The following DEPTOR variants were observed in gnomAD, a reference collection of about 807,000 sequenced individuals.
DEPTOR encodes the protein DEP domain-containing mTOR-interacting protein.
A neutral mutation model predicts 41.6 loss-of-function variants in DEPTOR; 41 were observed. That is an observed-to-expected ratio of 0.98 (90% CI 0.77 to 1.28). The LOEUF (loss-of-function observed/expected upper bound fraction) is 1.28, where lower values mean the gene tolerates loss of function less well. DEPTOR is among the 50% of genes most tolerant of loss of function. The pLI is 0.00. For missense variants in DEPTOR, 514 were observed against 527.9 expected (o/e 0.97, Z 0.26); for synonymous variants, 195 against 192.3 (o/e 1.01, Z -0.12).
Position 120,011,807 on chromosome 8 carries a change from A to G in DEPTOR, c.1101+2674A>G, listed in dbSNP as rs548469328. ...ATGTTTTACCTGATATATTTTTTCA[A>G]TTTCATAAGCTAATACTTCATATGG... On this transcript the variant is annotated intron_variant, in intron 8 of 8. Transcript: ENST00000286234. Among the ~76,000 whole-genome samples the G allele has an allele frequency of 2.6e-5, 4 of 152,266 alleles. No individual in the cohort carries two copies. The East Asian group carries it at 7.7e-4, about 29-fold the overall frequency.
chr8:119,971,389 T>G lies in DEPTOR; in HGVS notation c.604+5979T>G, dbSNP rs73705857. On this transcript the variant is annotated intron_variant, in intron 4 of 8. Coordinates refer to ENST00000286234, the MANE Select transcript of DEPTOR (RefSeq NM_022783.4). ...GTACAGAGGCTACCTATCCTACTTCTTAGAGGAACGGGAGATGAGGAAGTG... is the reference window on the plus strand; with the variant it reads ...GTACAGAGGCTACCTATCCTACTTCGTAGAGGAACGGGAGATGAGGAAGTG... Among the ~76,000 whole-genome samples the G allele has an allele frequency of 6.9e-3, 1,048 of 152,232 alleles. 10 individuals are homozygous for G. The highest frequency in any genetic ancestry group is 0.023 in the African/African-American group (963 of 41,540).
Position 120,050,217 on chromosome 8 carries a change from A to G in DEPTOR, c.*513A>G, listed in dbSNP as rs1051826901. 1.3e-5 allele frequency: 2 copies of G among 152,222 alleles called. No individual in the cohort carries two copies. Among genetic ancestry groups the G allele is most frequent in the Non-Finnish European group, 2.9e-5 (2 of 68,052 alleles). The allele number at this position is 152,222 out of a possible 1,614,324, so 9.4% of individuals were successfully genotyped here. ...ACTAGCATTTTCAAGGGGGTTCTAA[A>G]GCATTCAAGTGCTTAAAAGCCATAA... On this transcript the variant is annotated 3_prime_UTR_variant, in exon 9 of 9. Transcript: ENST00000286234.
chr8:120,042,203 G>A (rs1476582231), intron 8 of DEPTOR, among the ~76,000 whole-genome samples: 2 of 151,996 alleles, frequency 1.3e-5, no homozygotes, highest in African/African-American at 2.4e-5. Flanking sequence ...TAAGGTGGCC[G>A]CCCGCCATTC....
Position 120,050,323 on chromosome 8 carries a change from A to AAC in DEPTOR, c.*620_*621dup, listed in dbSNP as rs1003723410. The stretch of plus-strand genomic sequence containing the variant: ...CAATTGTGGCATTAGGAAAAAAAAA[A>AAC]ACCTTGTGATGCTATGGTTGGGGGT... On this transcript the variant is annotated 3_prime_UTR_variant, in exon 9 of 9. Coordinates refer to ENST00000286234, the MANE Select transcript of DEPTOR (RefSeq NM_022783.4). The AAC allele has an allele frequency of 1.2e-4, 18 of 151,756 alleles. No homozygotes were observed. The highest frequency in any genetic ancestry group is 4.1e-4 in the African/African-American group (17 of 41,338). The allele number at this position is 151,756 out of a possible 1,614,324, so 9.4% of individuals were successfully genotyped here.
At chr8:119,985,845 T>C (rs1828822876) in intron 4 of DEPTOR, among the ~76,000 whole-genome samples, 2 of 123,710 alleles carry the variant, frequency 1.6e-5, no homozygotes, top group African/African-American at 6.5e-5. Flanking sequence ...TTTTTTTTTT[T>C]TTTTTTTTTT....
intron 8 of DEPTOR, among the ~76,000 whole-genome samples, chr8:120,031,831 T>C (rs1812896905): frequency 6.6e-6 from 1 of 152,168 alleles, no homozygotes; most frequent in Admixed American, 6.6e-5. Flanking sequence ...CCATTTTTTA[T>C]GCCTCCTTTC....
chr8:119,959,146 CTT>C (rs1049780731), intron 3 of DEPTOR, among the ~76,000 whole-genome samples: 12 of 139,380 alleles, frequency 8.6e-5, no homozygotes, highest in Non-Finnish European at 1.7e-4. Flanking sequence ...ATTTCTTTTT[CTT>C]TCTTTCTTTC....
At chr8:119,875,076 C>G (rs1483821242) in intron 1 of DEPTOR, among the ~76,000 whole-genome samples, 1 of 152,146 alleles carries the variant, frequency 6.6e-6, no homozygotes, top group Non-Finnish European at 1.5e-5. Context: ...TTACAAAAGG[C>G]AAATTGCACC....
intron 1 of DEPTOR, among the ~76,000 whole-genome samples, chr8:119,922,245 A>AC (rs1411181366): frequency 2.6e-5 from 4 of 151,968 alleles, no homozygotes; most frequent in Admixed American, 2.0e-4. Flanking sequence ...CTCAAAAAAA[A>AC]AAAAAAAGAT....
intron 1 of DEPTOR, among the ~76,000 whole-genome samples, chr8:119,927,445 C>G (rs1174493740): frequency 6.6e-6 from 1 of 151,840 alleles, no homozygotes; most frequent in Non-Finnish European, 1.5e-5. Context: ...CTGTCTCTCT[C>G]TTTTGTCTCT....
intron 8 of DEPTOR, among the ~76,000 whole-genome samples, chr8:120,020,529 T>C (rs2130134337): frequency 6.6e-6 from 1 of 152,230 alleles, no homozygotes; most frequent in African/African-American, 2.4e-5. Flanking sequence ...GCATGAGCCA[T>C]CACACCTGGC....
rs140673704 is a variant in DEPTOR at position 120,015,725 on chromosome 8, A to T, written c.1101+6592A>T. On this transcript the variant is annotated intron_variant, in intron 8 of 8. Transcript: ENST00000286234. ...AGAGGGAGGGGGGCTCCAAAGCCGAAAGAGGAGACCCCAGGTGCCATGGAT... is the reference window on the plus strand; with the variant it reads ...AGAGGGAGGGGGGCTCCAAAGCCGATAGAGGAGACCCCAGGTGCCATGGAT... Among the ~76,000 whole-genome samples the T allele has an allele frequency of 2.9e-4, 44 of 152,278 alleles. No individual in the cohort carries two copies. In the East Asian group the frequency reaches 7.3e-3, roughly 25 times the overall value.
chr8:119,940,131 C>T (rs746900709), intron 3 of DEPTOR, among the ~76,000 whole-genome samples: 3 of 151,770 alleles, frequency 2.0e-5, no homozygotes, highest in African/African-American at 4.8e-5. Flanking sequence ...GCAGGAGAAT[C>T]GCTTGAACGC....
At chr8:120,003,253 T>C (rs1812384032) in intron 6 of DEPTOR, 142 bp downstream of exon 6, 1 of 1,406,956 alleles carries the variant, frequency 7.1e-7, no homozygotes, top group South Asian at 1.4e-5. Context: ...ACGTGTTGAA[T>C]GGAAGGGAAG....
chr8:119,929,040 A>G (rs1227051921), intron 2 of DEPTOR, among the ~76,000 whole-genome samples: 4 of 152,226 alleles, frequency 2.6e-5, no homozygotes, highest in Admixed American at 1.3e-4. Flanking sequence ...AGCTTCATCC[A>G]CATTGATAGT....
chr8:119,997,949 A>T (rs1812295091), intron 4 of DEPTOR, among the ~76,000 whole-genome samples: 1 of 152,192 alleles, frequency 6.6e-6, no homozygotes, highest in Admixed American at 6.5e-5. Context: ...TTTGAATTTT[A>T]CAATCCAAAA....
intron 4 of DEPTOR, among the ~76,000 whole-genome samples, chr8:119,995,685 G>A (rs986861606): frequency 6.6e-6 from 1 of 152,132 alleles, no homozygotes; most frequent in African/African-American, 2.4e-5. Context: ...CCATGTTCTT[G>A]TGTGAAATGA....
intron 1 of DEPTOR, among the ~76,000 whole-genome samples, chr8:119,901,182 T>C (rs1170479909): frequency 1.3e-5 from 2 of 152,212 alleles, no homozygotes; most frequent in African/African-American, 2.4e-5. Context: ...CGAGGATATT[T>C]ATGCAATTCT....
intron 8 of DEPTOR, among the ~76,000 whole-genome samples, chr8:120,041,888 A>AG (rs1316136722): frequency 6.6e-6 from 1 of 152,058 alleles, no homozygotes; most frequent in Non-Finnish European, 1.5e-5. Context: ...TTACTTACCT[A>AG]GGCTTCATAT....
Sources: allele counts gnomAD v4.1 joint callset (sites outside exome capture counted in the v4.1 genomes callset), GRCh38; gene constraint gnomAD v4.1.1; transcripts MANE v1.5; gene names NCBI Gene and HGNC (gene_info 2026-07-23, HGNC 2026-07-21).